ANTXR1: variants seen among roughly 807,000 people sequenced by gnomAD.
ANTXR1 encodes ANTXR cell adhesion molecule 1, also known as anthrax toxin receptor 1.
In ANTXR1, 19 loss-of-function variants were observed where a neutral mutation model predicts 78.1. The ratio of observed to expected loss-of-function variants is 0.24; its 90% confidence interval spans 0.17 to 0.36. The LOEUF (loss-of-function observed/expected upper bound fraction) is 0.36, where lower values mean the gene tolerates loss of function less well. Among genes scored for constraint, ANTXR1 ranks in the 10% least tolerant of loss-of-function variants. The pLI is 1.00. For missense variants in ANTXR1, 518 were observed against 718.6 expected, an observed-to-expected ratio of 0.72 and a Z score of 3.19; for synonymous variants, 273 against 260.5, an observed-to-expected ratio of 1.05 and a Z score of -0.46.
chr2:69,183,055 A>T (rs1201269604), intron 16 of ANTXR1: 1 of 244,176 alleles, frequency 4.1e-6, no homozygotes, highest in African/African-American at 2.3e-5. Flanking sequence ...TTGGGTAGTA[A>T]CCCCAGAGAG....
intron 16 of ANTXR1, 152 bp downstream of exon 16, chr2:69,182,812 A>C: frequency 1.0e-6 from 1 of 984,900 alleles, no homozygotes; most frequent in Non-Finnish European, 1.5e-6. Context: ...TGAAAGTACT[A>C]GTAATTACTT....
intron 1 of ANTXR1, among the ~76,000 whole-genome samples, chr2:69,017,756 G>T (rs1297462700): frequency 6.6e-6 from 1 of 152,056 alleles, no homozygotes; most frequent in Non-Finnish European, 1.5e-5. Context: ...ATTCAGTCGG[G>T]GATTTGAAAA....
At chr2:69,100,089 C>T (rs142952785) in intron 9 of ANTXR1, among the ~76,000 whole-genome samples, 14 of 152,310 alleles carry the variant, frequency 9.2e-5, no homozygotes, top group African/African-American at 3.4e-4. Context: ...AGCTGTAAGC[C>T]AACATACAAG....
intron 17 of ANTXR1, among the ~76,000 whole-genome samples, chr2:69,200,764 A>G (rs747736038): frequency 1.1e-4 from 16 of 152,190 alleles, no homozygotes; most frequent in African/African-American, 2.9e-4. Context: ...GTATGTATGT[A>G]TGTATGGTGT....
intron 17 of ANTXR1, among the ~76,000 whole-genome samples, chr2:69,223,700 A>G (rs1419130154): frequency 6.6e-6 from 1 of 152,232 alleles, no homozygotes; most frequent in African/African-American, 2.4e-5. Flanking sequence ...TAAAGTGAAG[A>G]AGGTTTTAAT....
chr2:69,029,955 A>G (rs1244472730), intron 1 of ANTXR1, among the ~76,000 whole-genome samples: 1 of 152,210 alleles, frequency 6.6e-6, no homozygotes, highest in Non-Finnish European at 1.5e-5. Flanking sequence ...TTTTTATGCG[A>G]GGTAGCAAAA....
intron 13 of ANTXR1, among the ~76,000 whole-genome samples, chr2:69,155,262 C>T (rs551577947): frequency 6.6e-6 from 1 of 152,272 alleles, no homozygotes; most frequent in Non-Finnish European, 1.5e-5. Flanking sequence ...TAGTGTTTCC[C>T]AGCTTGTTCC....
chr2:69,140,168 T>C (rs1673030517), intron 12 of ANTXR1, among the ~76,000 whole-genome samples: 1 of 152,228 alleles, frequency 6.6e-6, no homozygotes, highest in Non-Finnish European at 1.5e-5. Context: ...CAAGAGTACT[T>C]ATCACCTTCT....
At chr2:69,223,290 C>A (rs939177171) in intron 17 of ANTXR1, among the ~76,000 whole-genome samples, 2 of 152,236 alleles carry the variant, frequency 1.3e-5, no homozygotes, top group Non-Finnish European at 2.9e-5. Flanking sequence ...GAGCCAATTT[C>A]TCTTTAGAAG....
chr2:69,055,215 G>T (rs1440588725), intron 3 of ANTXR1, among the ~76,000 whole-genome samples: 1 of 152,118 alleles, frequency 6.6e-6, no homozygotes, highest in Non-Finnish European at 1.5e-5. Context: ...TGATTCAAAG[G>T]GTGAGTCCCC....
rs1433230444 is a variant in ANTXR1 at position 69,197,030 on chromosome 2, C to A, written c.1434+3615C>A. 3.9e-5 allele frequency among the ~76,000 whole-genome samples: 6 copies of A among 152,358 alleles called. No homozygotes were observed. The East Asian group carries it at 1.2e-3, about 29-fold the overall frequency. On this transcript the variant is annotated intron_variant, in intron 17 of 17. Transcript: ENST00000303714. ...GGGATTGGCACCCACCTCCTCAGAA[C>A]CATCCAAGCCCCAGGTCAGGGGTGG... is the stretch of plus-strand genomic sequence containing the variant.
At chr2:69,109,884 C>T (rs1671925586) in intron 10 of ANTXR1, among the ~76,000 whole-genome samples, 1 of 151,656 alleles carries the variant, frequency 6.6e-6, no homozygotes, top group South Asian at 2.1e-4. Flanking sequence ...TACAATAAAA[C>T]AAACAAGAAA....
chr2:69,160,462 G>C (rs1263246603), intron 13 of ANTXR1, among the ~76,000 whole-genome samples: 1 of 152,090 alleles, frequency 6.6e-6, no homozygotes, highest in Non-Finnish European at 1.5e-5. Flanking sequence ...TGTCTCTAAG[G>C]CTGCTTCCTC....
At chr2:69,206,649 G>A (rs1020152008) in intron 17 of ANTXR1, among the ~76,000 whole-genome samples, 1 of 152,156 alleles carries the variant, frequency 6.6e-6, no homozygotes, top group Non-Finnish European at 1.5e-5. Context: ...TAGGCCTAGG[G>A]GATGCCATGC....
intron 1 of ANTXR1, among the ~76,000 whole-genome samples, chr2:69,027,187 G>A (rs1362606930): frequency 6.6e-6 from 1 of 152,250 alleles, no homozygotes; most frequent in East Asian, 1.9e-4. Context: ...TGCTCTGTGG[G>A]GGTCAAAGGG....
chr2:69,107,079 A>G lies in ANTXR1; in HGVS notation c.802+4139A>G, dbSNP rs1222413292. On this transcript the variant is annotated intron_variant, in intron 10 of 17. Coordinates refer to ENST00000303714, the MANE Select transcript of ANTXR1 (RefSeq NM_032208.3). ...GTGATTAGACACAGATGAACAGGAA[A>G]TATATGAACGAGAAGGGAATTTGAG... Among the ~76,000 whole-genome samples the G allele has an allele frequency of 7.2e-5, 11 of 152,280 alleles. No individual in the cohort carries two copies. The South Asian group carries it at 2.1e-3, about 29-fold the overall frequency.
intron 13 of ANTXR1, among the ~76,000 whole-genome samples, chr2:69,160,930 G>C (rs1407409345): frequency 2.0e-5 from 3 of 152,188 alleles, no homozygotes; most frequent in African/African-American, 7.2e-5. Flanking sequence ...TAAAAGAGCA[G>C]GTTCCTGGAT....
At chr2:69,024,785 C>T (rs1287006152) in intron 1 of ANTXR1, among the ~76,000 whole-genome samples, 2 of 152,162 alleles carry the variant, frequency 1.3e-5, no homozygotes, top group African/African-American at 4.8e-5. Flanking sequence ...CAGGCATTCA[C>T]CATTTTCACC....
Position 69,245,649 on chromosome 2 carries a change from AAC to A in ANTXR1, c.*166_*167del, listed in dbSNP as rs1676006110. 2 of 986,128 alleles carry A rather than the reference AAC, an allele frequency of 2.0e-6. No individual in the cohort carries two copies. The highest frequency in any genetic ancestry group is 4.9e-5 in the East Asian group (2 of 40,760). 61.1% of individuals were successfully genotyped at this position (986,128 alleles called of 1,614,324 possible). A position where few individuals can be genotyped will look rare whatever the true frequency, so the allele number is the denominator to read the frequency against. ...CCAACAATCATGATCAGCTGAAAGA[AAC>A]AGATATTTTAAATTGCCAGAAAACA... is the stretch of plus-strand genomic sequence containing the variant. On this transcript the variant is annotated 3_prime_UTR_variant, in exon 18 of 18. Transcript: ENST00000303714.
Sources: allele counts gnomAD v4.1 joint callset (sites outside exome capture counted in the v4.1 genomes callset), GRCh38; gene constraint gnomAD v4.1.1; transcripts MANE v1.5; gene names NCBI Gene and HGNC (gene_info 2026-07-23, HGNC 2026-07-21).